Variants in KIR3DL2 observed in about 807,000 individuals in gnomAD.
KIR3DL2 encodes killer cell immunoglobulin-like receptor 3DL2.
In KIR3DL2, 42 loss-of-function variants were observed where a neutral mutation model predicts 41.6. The ratio of observed to expected loss-of-function variants is 1.01; its 90% CI spans 0.79 to 1.31. The LOEUF is 1.31. Ranked by LOEUF, KIR3DL2 falls within the 50% of genes most tolerant of loss-of-function variation. KIR3DL2 has a pLI of 0.00. For missense variants in KIR3DL2, 728 were observed against 576.8 expected (o/e 1.26, Z -2.68); for synonymous variants, 230 against 221.3 (o/e 1.04, Z -0.35).
rs200821169 is a variant in KIR3DL2 at position 54,858,590 on chromosome 19, A to G, written c.950-489A>G. Among the ~76,000 whole-genome samples, 31 of 151,530 alleles carry G rather than the reference A, an allele frequency of 2.0e-4. No homozygotes were observed. In the East Asian group the frequency reaches 5.4e-3, roughly 26 times the overall value. ...CTAAAAATACAAAAATTAGCTGAGC[A>G]TGGTGATCAGTGCCTGTAATACCAC... is the stretch of plus-strand genomic sequence containing the variant. On this transcript the variant is annotated intron_variant, in intron 5 of 8. Coordinates refer to ENST00000326321, the MANE Select transcript of KIR3DL2 (RefSeq NM_006737.4).
At chr19:54,853,571 G>A (rs2064475050) in intron 3 of KIR3DL2, among the ~76,000 whole-genome samples, 176 bp from the exon 4 acceptor site, 1 of 151,620 alleles carries the variant, frequency 6.6e-6, no homozygotes, top group South Asian at 2.1e-4. Flanking sequence ...ACAGAGAAGA[G>A]GGAGGAAGAC....
At chr19:54,850,547 G>T in intron 1 of KIR3DL2, 38 bp downstream of exon 1, 4 of 1,607,376 alleles carry the variant, frequency 2.5e-6, no homozygotes, top group Non-Finnish European at 3.4e-6. Context: ...GGAGAGTGGG[G>T]ATGGAGATCT....
In KIR3DL2 at chr19:54,862,521, A is replaced by C. The variant is rs1375447768; in HGVS notation, c.1001-3284A>C. 3.9e-5 allele frequency among the ~76,000 whole-genome samples: 6 copies of C among 152,024 alleles called. No individual in the cohort carries two copies. The South Asian group carries it at 1.0e-3, about 26-fold the overall frequency. On this transcript the variant is annotated intron_variant, in intron 6 of 8. Coordinates refer to ENST00000326321, the MANE Select transcript of KIR3DL2 (RefSeq NM_006737.4). ...GCAGCGAGTGACAACAGAAGCCTACATTTCAACGTGAGCCAGTCCCTCAAG... is the reference window on the plus strand; with the variant it reads ...GCAGCGAGTGACAACAGAAGCCTACCTTTCAACGTGAGCCAGTCCCTCAAG...
chr19:54,852,234 C>T lies in KIR3DL2; in HGVS notation c.307C>T (p.Leu103Phe). The change falls in exon 3 of 9, where the codon CTC becomes TTC. Residue 103 changes from leucine to phenylalanine, a missense_variant. By Grantham distance (22) the Leu-to-Phe change is conservative. Transcript: ENST00000326321. ...ATGTCGGGGTTCACGCCCACACTCC[C>T]TCACTGGGTGGTCGGCACCCAGCAA... ...YRCRGSRPHS[L>F]TGWSAPSNPL... The T allele has an allele frequency of 6.2e-7, 1 of 1,611,326 alleles. No homozygotes were observed. Among genetic ancestry groups the T allele is most frequent in the Non-Finnish European group, 8.5e-7 (1 of 1,178,618 alleles).
Position 54,866,605 on chromosome 19 carries a change from T to C in KIR3DL2, c.1242T>C (p.Pro414=). ...TCATACAGAGAAAAATCAGTCGCCC[T>C]TCTCAGAGGCCCAAGACACCCCTAA... ...CVFIQRKISR[P]SQRPKTPLTD... is the part of the protein sequence containing the mutation. Residue 414 remains proline, a synonymous_variant, in exon 9 of 9, where the codon CCT becomes CCC. Coordinates refer to ENST00000326321, the MANE Select transcript of KIR3DL2 (RefSeq NM_006737.4). 1 of 1,613,970 alleles carries C rather than the reference T, an allele frequency of 6.2e-7. No individual in the cohort carries two copies. The highest frequency in any genetic ancestry group is 8.5e-7 in the Non-Finnish European group (1 of 1,179,956).
intron 4 of KIR3DL2, among the ~76,000 whole-genome samples, 156 bp from the exon 5 acceptor site, chr19:54,855,463 G>A (rs201545327): frequency 0.044 from 6,633 of 151,284 alleles, 274 homozygotes; most frequent in East Asian, 0.12. Context: ...CAGAGAAGGC[G>A]GAAGGAGGAA....
In KIR3DL2 at chr19:54,853,995, T is replaced by A. The variant is rs2064524203; in HGVS notation, c.604T>A (p.Ser202Thr). 6.2e-7 allele frequency: 1 copy of A among 1,612,986 alleles called. No homozygotes were observed. The change falls in exon 4 of 9, where the codon TCC (serine) becomes ACC (threonine). Residue 202 changes from serine (S) to threonine (T), a missense_variant. Transcript: ENST00000326321. The stretch of plus-strand genomic sequence containing the variant: ...CAGATGTTATGGTTCTGTTCCTCAC[T>A]CCCCCTATCAGTTGTCAGCTCCCAG... ...TYRCYGSVPH[S>T]PYQLSAPSDP... is the part of the protein sequence containing the mutation.
chr19:54,850,530 G>T, intron 1 of KIR3DL2, 21 bp downstream of exon 1: 1 of 1,608,966 alleles, frequency 6.2e-7, no homozygotes, highest in Non-Finnish European at 8.5e-7. Context: ...GAAGGGAATA[G>T]AGGGAGGGAG....
intron 6 of KIR3DL2, among the ~76,000 whole-genome samples, chr19:54,861,092 C>G (rs1434471071): frequency 6.9e-6 from 1 of 145,802 alleles, no homozygotes; most frequent in African/African-American, 2.5e-5. Flanking sequence ...TCTAGGAGAC[C>G]GTGGAAAAGG....
In KIR3DL2 at chr19:54,865,313, T is replaced by A. The variant is rs144825061; in HGVS notation, c.1001-492T>A. ...TGACGGCCTCAGGCTGCTCCCACTC[T>A]GGCAGAAGGGAAGGAGGGTCTGTCT... is the stretch of plus-strand genomic sequence containing the variant. On this transcript the variant is annotated intron_variant, in intron 6 of 8. Coordinates refer to ENST00000326321, the MANE Select transcript of KIR3DL2 (RefSeq NM_006737.4). Among the ~76,000 whole-genome samples, 248 of 152,104 alleles carry A rather than the reference T, an allele frequency of 1.6e-3. 1 individual carries two copies. The highest frequency in any genetic ancestry group is 4.6e-3 in the African/African-American group (189 of 41,526).
chr19:54,851,077 G>A (rs2064186542), intron 1 of KIR3DL2, 143 bp from the exon 2 acceptor site: 2 of 1,065,098 alleles, frequency 1.9e-6, no homozygotes, highest in Non-Finnish European at 2.9e-6. Context: ...TGAGAGCCCT[G>A]TTCTTGGCAG....
At chr19:54,866,482 T>C (rs774207104) in intron 8 of KIR3DL2, 40 bp from the exon 9 acceptor site, 4 of 1,613,892 alleles carry the variant, frequency 2.5e-6, no homozygotes, top group South Asian at 2.2e-5. Flanking sequence ...TCCTGAAAAA[T>C]GTGAGCACCC....
intron 6 of KIR3DL2, among the ~76,000 whole-genome samples, chr19:54,859,479 G>A (rs1232301285): frequency 6.6e-6 from 1 of 152,018 alleles, no homozygotes; most frequent in African/African-American, 2.4e-5. Flanking sequence ...TCTGATGAGG[G>A]TGGGTGTTTT....
chr19:54,864,910 G>A (rs1387029609), intron 6 of KIR3DL2, among the ~76,000 whole-genome samples: 2 of 152,090 alleles, frequency 1.3e-5, no homozygotes, highest in African/African-American at 4.8e-5. Flanking sequence ...TAGGAGTGGT[G>A]AAAGAGGGCA....
chr19:54,862,311 T>C (rs1307085124), intron 6 of KIR3DL2, among the ~76,000 whole-genome samples: 6 of 152,000 alleles, frequency 3.9e-5, no homozygotes, highest in East Asian at 1.9e-4. Context: ...AAGAGGGTTG[T>C]GGATGTAGAA....
chr19:54,866,573 T>C lies in KIR3DL2; in HGVS notation c.1210T>C (p.Cys404Arg), dbSNP rs149495688. 117 of 1,614,052 alleles carry C rather than the reference T, an allele frequency of 7.2e-5. No homozygotes were observed. In the African/African-American group the frequency reaches 1.5e-3, roughly 20 times the overall value. Residue 404 changes from cysteine (C) to arginine (R), a missense_variant, in exon 9 of 9, where the codon TGC becomes CGC. Physicochemically the swap from Cys to Arg is radical, Grantham distance 180. Transcript: ENST00000326321. Reference protein sequence around the residue: ...QEVTYAQLDHCVFIQRKISRP... With the variant: ...QEVTYAQLDHRVFIQRKISRP... ...GGTGACGTACGCACAGTTGGATCAC[T>C]GCGTTTTCATACAGAGAAAAATCAG...
chr19:54,853,992 C>T lies in KIR3DL2; in HGVS notation c.601C>T (p.His201Tyr). 1 of 1,613,308 alleles carries T rather than the reference C, an allele frequency of 6.2e-7. No individual in the cohort carries two copies. Among genetic ancestry groups the T allele is most frequent in the African/African-American group, 1.3e-5 (1 of 74,574 alleles). The change falls in exon 4 of 9, where the codon CAC (histidine) becomes TAC (tyrosine). Residue 201 changes from histidine (H) to tyrosine (Y), a missense_variant. By Grantham distance (83) the His-to-Tyr change is moderately conservative (BLOSUM62 2). Transcript: ENST00000326321. ...GTYRCYGSVP[H>Y]SPYQLSAPSD... ...CTACAGATGTTATGGTTCTGTTCCT[C>T]ACTCCCCCTATCAGTTGTCAGCTCC...
intron 6 of KIR3DL2, among the ~76,000 whole-genome samples, chr19:54,861,028 C>A (rs1313019782): frequency 7.0e-6 from 1 of 142,184 alleles, no homozygotes; most frequent in African/African-American, 2.6e-5. Flanking sequence ...GGAATCCCTA[C>A]ATGATTAATA....
At chr19:54,855,975 T>G in intron 5 of KIR3DL2, 63 bp downstream of exon 5, 1 of 1,571,518 alleles carries the variant, frequency 6.4e-7, no homozygotes, top group Non-Finnish European at 8.7e-7. Flanking sequence ...AGGAGCTTCC[T>G]GCCGATGATG....
Sources: allele counts gnomAD v4.1 joint callset (sites outside exome capture counted in the v4.1 genomes callset), GRCh38; gene constraint gnomAD v4.1.1; transcripts MANE v1.5; gene names NCBI Gene and HGNC (gene_info 2026-07-23, HGNC 2026-07-21).